The following ABCC4 variants were observed in gnomAD, a reference collection of about 807,000 sequenced individuals.
The protein encoded by ABCC4 is ATP binding cassette subfamily C member 4 (PEL blood group).
ABCC4 carries 102 observed loss-of-function variants against 168.5 expected under a neutral mutation model. The ratio of observed to expected loss-of-function variants is 0.61; its 90% CI spans 0.52 to 0.71. The LOEUF (loss-of-function observed/expected upper bound fraction) is 0.71. Ranked by LOEUF, ABCC4 falls within the 30% of genes least tolerant of loss-of-function variation. The pLI, the probability that ABCC4 is intolerant of heterozygous loss-of-function variation, is 0.00. For synonymous variants in ABCC4, 617 were observed against 590.7 expected (o/e 1.04, Z -0.65); for missense variants, 1,402 against 1,605.8 (o/e 0.87, Z 2.17).
At chr13:95,205,150 C>G (rs375092923) in intron 8 of ABCC4, among the ~76,000 whole-genome samples, 63 of 152,282 alleles carry the variant, frequency 4.1e-4, no homozygotes, top group Middle Eastern at 3.4e-3. Context: ...TAAGAAATGA[C>G]CCTGTATGGT....
chr13:95,096,053 C>A (rs2139360764), intron 20 of ABCC4: 2 of 421,134 alleles, frequency 4.7e-6, no homozygotes, highest in South Asian at 7.8e-5. Context: ...ATCAAAAAAA[C>A]AACATTTAGC....
intron 11 of ABCC4, among the ~76,000 whole-genome samples, chr13:95,183,862 C>A (rs139178323): frequency 6.6e-6 from 1 of 151,996 alleles, no homozygotes; most frequent in African/African-American, 2.4e-5. Context: ...TGCAATGAGG[C>A]GAGATTACAC....
chr13:95,285,209 C>T (rs1382343759), intron 1 of ABCC4, among the ~76,000 whole-genome samples: 2 of 152,152 alleles, frequency 1.3e-5, no homozygotes, highest in Non-Finnish European at 2.9e-5. Flanking sequence ...GATCACACCA[C>T]TGTACTCCAG....
intron 1 of ABCC4, among the ~76,000 whole-genome samples, chr13:95,251,847 A>G (rs139527081): frequency 6.6e-6 from 1 of 152,306 alleles, no homozygotes; most frequent in East Asian, 1.9e-4. Flanking sequence ...TTCGCTTTCC[A>G]CAGGTTGAGT....
chr13:95,150,377 T>C (rs1262846568), intron 19 of ABCC4, among the ~76,000 whole-genome samples: 1 of 152,180 alleles, frequency 6.6e-6, no homozygotes, highest in East Asian at 1.9e-4. Flanking sequence ...CTATGTGATA[T>C]AATCTATTAA....
At chr13:95,282,246 T>A (rs1334558824) in intron 1 of ABCC4, among the ~76,000 whole-genome samples, 1 of 151,708 alleles carries the variant, frequency 6.6e-6, no homozygotes, top group African/African-American at 2.4e-5. Context: ...GCCCGTAATA[T>A]GGGTGATAAA....
rs117060401 is a variant in ABCC4 at position 95,231,029 on chromosome 13, A to G, written c.531+3581T>C. On this transcript the variant is annotated intron_variant, in intron 4 of 30. Transcript: ENST00000645237. ...TTATGCTACATGAAGTGAGCCAGAC[A>G]GAAAATAACAAATACTGTATGATTC... Among the ~76,000 whole-genome samples the G allele has an allele frequency of 1.6e-3, 251 of 152,368 alleles. 1 individual carries two copies. The highest frequency in any genetic ancestry group is 2.6e-3 in the Non-Finnish European group (178 of 68,024).
chr13:95,075,203 G>A lies in ABCC4; in HGVS notation c.2806+229C>T, dbSNP rs1042246612. The A allele has an allele frequency of 1.3e-5, 7 of 531,300 alleles. No individual in the cohort carries two copies. The African/African-American group carries it at 1.3e-4, about 10-fold the overall frequency. 32.9% of individuals were successfully genotyped at this position (531,300 alleles called of 1,614,324 possible). On this transcript the variant is annotated intron_variant, in intron 22 of 30. Transcript: ENST00000645237. ...CACAGGCCATGCATGGTGAGAGAAA[G>A]ACCCCACAAGCCAGTCAGGGGGCAC...
chr13:95,258,738 GC>G (rs2040454507), intron 1 of ABCC4, among the ~76,000 whole-genome samples: 1 of 152,062 alleles, frequency 6.6e-6, no homozygotes, highest in Non-Finnish European at 1.5e-5. Context: ...CACATCTGGG[GC>G]CCAGCAACCC....
At chr13:95,091,609 T>C (rs1482350382) in intron 20 of ABCC4, among the ~76,000 whole-genome samples, 4 of 152,136 alleles carry the variant, frequency 2.6e-5, no homozygotes, top group African/African-American at 9.7e-5. Context: ...GAGAATTCAC[T>C]ACTACCAAAC....
intron 4 of ABCC4, among the ~76,000 whole-genome samples, chr13:95,233,494 CT>C (rs1566552586): frequency 1.3e-5 from 2 of 151,942 alleles, no homozygotes; most frequent in Non-Finnish European, 2.9e-5. Context: ...CTGAAGACTA[CT>C]AGAGTTGGGA....
At chr13:95,210,062 G>A (rs904214909) in intron 5 of ABCC4, among the ~76,000 whole-genome samples, 3 of 152,228 alleles carry the variant, frequency 2.0e-5, no homozygotes, top group Non-Finnish European at 4.4e-5. Context: ...GACACTGAGC[G>A]GAGGCTTTAG....
At chr13:95,164,548 A>G in intron 15 of ABCC4, 30 bp from the exon 16 acceptor site, 1 of 1,613,166 alleles carries the variant, frequency 6.2e-7, no homozygotes. Context: ...GTAAGAGACA[A>G]AACAGTATAC....
intron 9 of ABCC4, among the ~76,000 whole-genome samples, chr13:95,192,469 A>G (rs1377094780): frequency 2.0e-5 from 3 of 152,186 alleles, no homozygotes; most frequent in Admixed American, 6.5e-5. Flanking sequence ...AAAACAGACC[A>G]TTTTACAATA....
intron 1 of ABCC4, among the ~76,000 whole-genome samples, chr13:95,295,390 T>C (rs996856009): frequency 6.6e-6 from 1 of 152,052 alleles, no homozygotes; most frequent in African/African-American, 2.4e-5. Flanking sequence ...CCAGGCACAG[T>C]GGCTCGCCCC....
chr13:95,163,760 G>A, intron 16 of ABCC4, 113 bp from the exon 17 acceptor site: 1 of 871,058 alleles, frequency 1.1e-6, no homozygotes, highest in Non-Finnish European at 1.8e-6. Context: ...AGCCGGGCGT[G>A]GTGGCTCATG....
rs560964427 is a variant in ABCC4, at chr13:95,083,762, ATCTGCCCACC to A, written c.2536-482_2536-473del. Among the ~76,000 whole-genome samples, 17 of 152,190 alleles carry A rather than the reference ATCTGCCCACC, an allele frequency of 1.1e-4. No individual in the cohort carries two copies. The South Asian group carries it at 3.1e-3, about 28-fold the overall frequency. On this transcript the variant is annotated intron_variant, in intron 20 of 30. Coordinates refer to ENST00000645237, the MANE Select transcript of ABCC4 (RefSeq NM_005845.5). The stretch of plus-strand genomic sequence containing the variant: ...GGTCTCGAACTCCCGATCTCAAGTG[ATCTGCCCACC>A]TCTGCCTCCCAAAGTGCTGGAATTA...
chr13:95,228,165 T>C (rs918527053), intron 4 of ABCC4, among the ~76,000 whole-genome samples: 5 of 152,226 alleles, frequency 3.3e-5, no homozygotes, highest in Non-Finnish European at 4.4e-5. Context: ...TTGCTATCAA[T>C]TGTCTGTCCA....
At chr13:95,042,936 A>T (rs2032420977) in intron 29 of ABCC4, among the ~76,000 whole-genome samples, 1 of 152,142 alleles carries the variant, frequency 6.6e-6, no homozygotes, top group Non-Finnish European at 1.5e-5. Context: ...CATCCAGGTA[A>T]TCTTTGTATT....
Sources: allele counts gnomAD v4.1 joint callset (sites outside exome capture counted in the v4.1 genomes callset), GRCh38; gene constraint gnomAD v4.1.1; transcripts MANE v1.5; gene names NCBI Gene and HGNC (gene_info 2026-07-23, HGNC 2026-07-21).